Variants in FXR1 observed in about 807,000 individuals in gnomAD.
FXR1 encodes RNA-binding protein FXR1.
Under a neutral mutation model 84.0 loss-of-function variants are expected in FXR1, and 15 were observed. The ratio of observed to expected loss-of-function variants is 0.18; its 90% CI spans 0.12 to 0.27. The LOEUF (loss-of-function observed/expected upper bound fraction) is 0.27, where lower values mean the gene tolerates loss of function less well. Ranked by LOEUF, FXR1 falls within the 10% of genes least tolerant of loss-of-function variation. The pLI, the probability that FXR1 is intolerant of heterozygous loss-of-function variation, is 1.00. For synonymous variants in FXR1, 245 were observed against 250.7 expected (o/e 0.98, Z 0.21); for missense variants, 480 against 774.4 (o/e 0.62, Z 4.51).
At chr3:180,925,985 A>C (rs1719131275) in intron 1 of FXR1, among the ~76,000 whole-genome samples, 1 of 152,196 alleles carries the variant, frequency 6.6e-6, no homozygotes, top group African/African-American at 2.4e-5. Flanking sequence ...CTATCTAACA[A>C]ACAGCCCAGT....
At chr3:180,955,436 T>A (rs904357953) in intron 9 of FXR1, among the ~76,000 whole-genome samples, 2 of 152,174 alleles carry the variant, frequency 1.3e-5, no homozygotes, top group Non-Finnish European at 2.9e-5. Context: ...GATGTTAAAA[T>A]TCAATATAAA....
chr3:180,930,710 T>C (rs1719785520), intron 1 of FXR1, among the ~76,000 whole-genome samples: 1 of 152,178 alleles, frequency 6.6e-6, no homozygotes, highest in Non-Finnish European at 1.5e-5. Flanking sequence ...GCTGGTAACA[T>C]AACTGAATGT....
intron 1 of FXR1, among the ~76,000 whole-genome samples, chr3:180,927,399 A>G (rs887041375): frequency 6.6e-6 from 1 of 152,092 alleles, no homozygotes; most frequent in Non-Finnish European, 1.5e-5. Context: ...ATACAGTGTC[A>G]TTAGGTCACT....
intron 1 of FXR1, among the ~76,000 whole-genome samples, chr3:180,931,582 A>T (rs1719905034): frequency 1.3e-5 from 2 of 152,146 alleles, no homozygotes; most frequent in Admixed American, 6.6e-5. Flanking sequence ...ATGTTTGCAT[A>T]GAAATGTCCC....
intron 1 of FXR1, among the ~76,000 whole-genome samples, chr3:180,923,347 G>A (rs1718798550): frequency 1.3e-5 from 2 of 152,144 alleles, no homozygotes; most frequent in Admixed American, 6.5e-5. Flanking sequence ...CAGAGATCTC[G>A]AGAAGGGAAC....
intron 3 of FXR1, 114 bp from the exon 4 acceptor site, chr3:180,947,751 T>A: frequency 2.0e-6 from 1 of 500,156 alleles, no homozygotes; most frequent in Non-Finnish European, 3.6e-6. Context: ...CCAATTTAAA[T>A]AAAATAGCAT....
chr3:180,935,819 T>C (rs543745412), intron 3 of FXR1, among the ~76,000 whole-genome samples: 6 of 152,376 alleles, frequency 3.9e-5, no homozygotes, highest in Admixed American at 2.0e-4. Context: ...CTTTCAGGCT[T>C]GTCTCAGCAT....
chr3:180,952,599 G>T (rs979347245), intron 8 of FXR1, among the ~76,000 whole-genome samples: 27 of 152,028 alleles, frequency 1.8e-4, no homozygotes, highest in African/African-American at 6.5e-4. Flanking sequence ...ACGAGCTTTG[G>T]AGCTATACTG....
chr3:180,913,145 C>A (rs919487199), intron 1 of FXR1, among the ~76,000 whole-genome samples: 17 of 151,954 alleles, frequency 1.1e-4, no homozygotes, highest in Non-Finnish European at 1.8e-4. Flanking sequence ...CGAACTGGGC[C>A]GGGCGGGAGC....
At chr3:180,972,423 G>A (rs1035913008) in intron 15 of FXR1, among the ~76,000 whole-genome samples, 4 of 152,148 alleles carry the variant, frequency 2.6e-5, no homozygotes, top group Middle Eastern at 3.2e-3. Flanking sequence ...GCCACTGCAC[G>A]CTAGCCTGGG....
chr3:180,966,683 CAG>C (rs960638337), intron 13 of FXR1, among the ~76,000 whole-genome samples: 1 of 152,064 alleles, frequency 6.6e-6, no homozygotes, highest in Non-Finnish European at 1.5e-5. Context: ...AGTAATTCCA[CAG>C]GGGGAAAAAA....
At chr3:180,928,707 T>A (rs997387443) in intron 1 of FXR1, among the ~76,000 whole-genome samples, 1 of 152,192 alleles carries the variant, frequency 6.6e-6, no homozygotes, top group Admixed American at 6.5e-5. Flanking sequence ...ATAAAATTTT[T>A]ATTTTACAGC....
Position 180,982,394 on chromosome 3 carries a change from T to A in FXR1, c.*6102T>A, listed in dbSNP as rs944451969. ...AAATGTTCAGTTTGCCTAATAGCCT[T>A]CAATGAAACACGGATTCTTCTACTT... On this transcript the variant is annotated 3_prime_UTR_variant, in exon 17 of 17. Coordinates refer to ENST00000357559, the MANE Select transcript of FXR1 (RefSeq NM_005087.4). The A allele has an allele frequency of 6.6e-6, 1 of 152,092 alleles. No homozygotes were observed. Among genetic ancestry groups the A allele is most frequent in the African/African-American group, 2.4e-5 (1 of 41,428 alleles). 9.4% of individuals were successfully genotyped at this position (152,092 alleles called of 1,614,324 possible). A position where few individuals can be genotyped will look rare whatever the true frequency, so the allele number is the denominator to read the frequency against.
intron 15 of FXR1, among the ~76,000 whole-genome samples, chr3:180,973,408 T>C (rs1713830287): frequency 6.6e-6 from 1 of 152,230 alleles, no homozygotes; most frequent in Non-Finnish European, 1.5e-5. Flanking sequence ...ACAATTACTT[T>C]TGCACCAACT....
intron 1 of FXR1, among the ~76,000 whole-genome samples, chr3:180,917,454 T>C (rs553029137): frequency 4.6e-5 from 7 of 152,298 alleles, no homozygotes; most frequent in African/African-American, 1.7e-4. Flanking sequence ...AATACATAGT[T>C]CCAGATAATT....
At chr3:180,928,905 C>G (rs1373155637) in intron 1 of FXR1, among the ~76,000 whole-genome samples, 1 of 151,610 alleles carries the variant, frequency 6.6e-6, no homozygotes, top group Non-Finnish European at 1.5e-5. Flanking sequence ...TTTCATTTTA[C>G]ACTTAATTTA....
At chr3:180,928,463 A>G (rs1261375488) in intron 1 of FXR1, among the ~76,000 whole-genome samples, 4 of 145,342 alleles carry the variant, frequency 2.8e-5, no homozygotes, top group Admixed American at 2.2e-4. Context: ...ACACACTGTT[A>G]ATATTTCAAT....
intron 1 of FXR1, among the ~76,000 whole-genome samples, chr3:180,926,643 G>A (rs1719264942): frequency 6.6e-6 from 1 of 150,946 alleles, no homozygotes; most frequent in Non-Finnish European, 1.5e-5. Flanking sequence ...TTTTGGTTCT[G>A]GACTTGCATT....
At chr3:180,920,192 ATAGG>A (rs1718411180) in intron 1 of FXR1, among the ~76,000 whole-genome samples, 1 of 152,166 alleles carries the variant, frequency 6.6e-6, no homozygotes, top group Non-Finnish European at 1.5e-5. Context: ...ATAATTAATC[ATAGG>A]TAGCTGTTTT....
Sources: allele counts gnomAD v4.1 joint callset (sites outside exome capture counted in the v4.1 genomes callset), GRCh38; gene constraint gnomAD v4.1.1; transcripts MANE v1.5; gene names NCBI Gene and HGNC (gene_info 2026-07-23, HGNC 2026-07-21).